The following CHCHD6 variants were observed in gnomAD, a reference collection of about 807,000 sequenced individuals.
CHCHD6 encodes the protein MICOS complex subunit MIC25.
A neutral mutation model predicts 32.3 loss-of-function variants in CHCHD6; 28 were observed. That is an observed-to-expected ratio of 0.87 (90% confidence interval 0.64 to 1.19). The LOEUF is 1.19. Among genes scored for constraint, CHCHD6 ranks in the 50% most tolerant of loss-of-function variants. CHCHD6 has a pLI of 0.00. For missense variants in CHCHD6, 333 were observed against 307.0 expected (o/e 1.08, Z -0.63); for synonymous variants, 122 against 117.5 (o/e 1.04, Z -0.25).
chr3:126,910,284 A>AAT (rs2078070167), intron 5 of CHCHD6, among the ~76,000 whole-genome samples: 3 of 151,546 alleles, frequency 2.0e-5, no homozygotes, highest in Non-Finnish European at 4.4e-5. Flanking sequence ...AAAAAAAAAA[A>AAT]AACAAAAAAA....
At chr3:126,805,582 C>T (rs558750053) in intron 4 of CHCHD6, among the ~76,000 whole-genome samples, 1 of 152,106 alleles carries the variant, frequency 6.6e-6, no homozygotes, top group South Asian at 2.1e-4. Context: ...ACATTCCATG[C>T]TCATGGATAG....
At chr3:126,838,010 A>G (rs1264091144) in intron 4 of CHCHD6, among the ~76,000 whole-genome samples, 1 of 152,168 alleles carries the variant, frequency 6.6e-6, no homozygotes, top group Non-Finnish European at 1.5e-5. Context: ...CATGGGCACC[A>G]TGTCCACAGT....
chr3:126,748,544 G>A (rs369106298), intron 4 of CHCHD6, among the ~76,000 whole-genome samples: 3 of 149,490 alleles, frequency 2.0e-5, no homozygotes, highest in East Asian at 3.9e-4. Flanking sequence ...GCGGTGAGCC[G>A]AGATTGTGCC....
chr3:126,854,922 C>G (rs1242453782), intron 5 of CHCHD6: 1 of 152,180 alleles, frequency 6.6e-6, no homozygotes, highest in Non-Finnish European at 1.5e-5. Context: ...TGGTCAGCCT[C>G]CACCTTCTAC....
chr3:126,935,982 CAGGAA>C (rs2078475010), intron 6 of CHCHD6, among the ~76,000 whole-genome samples: 2 of 152,182 alleles, frequency 1.3e-5, no homozygotes, highest in Non-Finnish European at 2.9e-5. Flanking sequence ...GTTCATGGCC[CAGGAA>C]ATCCATAGAT....
chr3:126,950,789 G>A (rs1409625560), intron 6 of CHCHD6, among the ~76,000 whole-genome samples: 1 of 152,226 alleles, frequency 6.6e-6, no homozygotes, highest in African/African-American at 2.4e-5. Context: ...AGGCTGCACA[G>A]AGGAATGGCT....
chr3:126,844,671 T>G (rs549462249), intron 4 of CHCHD6, among the ~76,000 whole-genome samples: 1 of 152,298 alleles, frequency 6.6e-6, no homozygotes, highest in East Asian at 1.9e-4. Flanking sequence ...ATAGGAAGAA[T>G]AATGGCCCCC....
intron 1 of CHCHD6, among the ~76,000 whole-genome samples, chr3:126,708,928 C>T (rs1294446832): frequency 6.6e-6 from 1 of 152,150 alleles, no homozygotes; most frequent in African/African-American, 2.4e-5. Flanking sequence ...TTTCAATGAC[C>T]TATCCATGGG....
At chr3:126,712,410 G>A (rs1934791999) in intron 1 of CHCHD6, among the ~76,000 whole-genome samples, 1 of 152,010 alleles carries the variant, frequency 6.6e-6, no homozygotes, top group Non-Finnish European at 1.5e-5. Context: ...CTCCTTTCTT[G>A]TATCACAGTA....
intron 4 of CHCHD6, among the ~76,000 whole-genome samples, chr3:126,848,773 A>G (rs1017866504): frequency 6.6e-6 from 1 of 152,216 alleles, no homozygotes; most frequent in Non-Finnish European, 1.5e-5. Flanking sequence ...TTTTTGCATA[A>G]TAAAAAGTTT....
Position 126,841,632 on chromosome 3 carries a change from G to A in CHCHD6, c.412-11015G>A, listed in dbSNP as rs546021053. Among the ~76,000 whole-genome samples, 28 of 152,198 alleles carry A rather than the reference G, an allele frequency of 1.8e-4. 1 individual carries two copies. The highest frequency in any genetic ancestry group is 1.6e-3 in the Admixed American group (24 of 15,286). On this transcript the variant is annotated intron_variant, in intron 4 of 7. Transcript: ENST00000290913. ...CAAAGTAACATTACCTAGGCTGGGCGTGGTTGCTCACGCCTGTAATCCCAG... is the reference window on the plus strand; with the variant it reads ...CAAAGTAACATTACCTAGGCTGGGCATGGTTGCTCACGCCTGTAATCCCAG...
intron 4 of CHCHD6, among the ~76,000 whole-genome samples, chr3:126,748,402 C>G (rs957183252): frequency 2.6e-5 from 4 of 152,110 alleles, no homozygotes; most frequent in African/African-American, 9.7e-5. Flanking sequence ...CGAGACCAGC[C>G]TGGGCAACAT....
chr3:126,881,355 T>TG (rs771095260), intron 5 of CHCHD6, among the ~76,000 whole-genome samples: 118 of 152,338 alleles, frequency 7.7e-4, no homozygotes, highest in Non-Finnish European at 1.4e-3. Context: ...TCTCCCCCAG[T>TG]GCTGAGTGGT....
At chr3:126,711,334 G>C (rs753527500) in intron 1 of CHCHD6, among the ~76,000 whole-genome samples, 2 of 152,184 alleles carry the variant, frequency 1.3e-5, no homozygotes, top group African/African-American at 2.4e-5. Flanking sequence ...GGATGTGTGC[G>C]GCAGACTTTG....
chr3:126,781,330 C>G (rs2107681171), intron 4 of CHCHD6, among the ~76,000 whole-genome samples: 1 of 152,292 alleles, frequency 6.6e-6, no homozygotes, highest in Admixed American at 6.5e-5. Context: ...ATTTCTAGCA[C>G]AAGAGTTAGA....
intron 5 of CHCHD6, among the ~76,000 whole-genome samples, chr3:126,869,568 T>G (rs2077438719): frequency 6.6e-6 from 1 of 152,104 alleles, no homozygotes; most frequent in Non-Finnish European, 1.5e-5. Flanking sequence ...GCCTTTGTAT[T>G]TCTTCTTTTG....
At chr3:126,864,009 T>C (rs1416660405) in intron 5 of CHCHD6, among the ~76,000 whole-genome samples, 71 of 39,200 alleles carry the variant, frequency 1.8e-3, no homozygotes, top group Middle Eastern at 0.021. Flanking sequence ...TCTCCCCCAC[T>C]ATCACCAACT....
At chr3:126,822,677 C>T (rs528029490) in intron 4 of CHCHD6, among the ~76,000 whole-genome samples, 126 of 152,272 alleles carry the variant, frequency 8.3e-4, no homozygotes, top group African/African-American at 2.9e-3. Flanking sequence ...ATTTAGGTCT[C>T]TGATCACTGT....
Position 126,757,260 on chromosome 3 carries a change from A to T in CHCHD6, c.411+24038A>T, listed in dbSNP as rs141232081. Among the ~76,000 whole-genome samples, 348 of 152,312 alleles carry T rather than the reference A, an allele frequency of 2.3e-3. 1 individual carries two copies. Among genetic ancestry groups the T allele is most frequent in the Middle Eastern group, 0.014 (4 of 294 alleles). ...AGTATAGTGCAAATATTCAAAAATC[A>T]CAAAAAATTCAAAGTCTGAAACACT... is the stretch of plus-strand genomic sequence containing the variant. On this transcript the variant is annotated intron_variant, in intron 4 of 7. Transcript: ENST00000290913.
Sources: allele counts gnomAD v4.1 joint callset (sites outside exome capture counted in the v4.1 genomes callset), GRCh38; gene constraint gnomAD v4.1.1; transcripts MANE v1.5; gene names NCBI Gene and HGNC (gene_info 2026-07-23, HGNC 2026-07-21).